BRD7: variants seen among roughly 807,000 people sequenced by gnomAD.
The protein encoded by BRD7 is bromodomain-containing protein 7.
A neutral mutation model predicts 82.1 loss-of-function variants in BRD7; 15 were observed. The observed-to-expected ratio is 0.18, with a 90% CI of 0.12 to 0.28. The LOEUF (loss-of-function observed/expected upper bound fraction) is 0.28, where lower values mean the gene tolerates loss of function less well. Among genes scored for constraint, BRD7 ranks in the 10% least tolerant of loss-of-function variants. BRD7 has a pLI of 1.00. For synonymous variants in BRD7, 232 were observed against 266.9 expected, an observed-to-expected ratio of 0.87 and a Z score of 1.27; for missense variants, 638 against 779.9, an observed-to-expected ratio of 0.82 and a Z score of 2.17.
intron 5 of BRD7, among the ~76,000 whole-genome samples, chr16:50,341,177 T>TACTCAC (rs770402520): frequency 1.5e-5 from 2 of 137,304 alleles, no homozygotes; most frequent in East Asian, 4.3e-4. Context: ...AGACCTTAAG[T>TACTCAC]ACACACACAC....
At chr16:50,320,192 G>T (rs184420261) in intron 15 of BRD7, 56 bp downstream of exon 15, 25 of 1,569,354 alleles carry the variant, frequency 1.6e-5, no homozygotes, top group Non-Finnish European at 1.0e-5. Flanking sequence ...CTGTACTCAA[G>T]AAGTTTTTTC....
chr16:50,363,119 G>T (rs189434998), intron 2 of BRD7, among the ~76,000 whole-genome samples: 29 of 152,220 alleles, frequency 1.9e-4, no homozygotes, highest in Admixed American at 1.8e-3. Flanking sequence ...TGTGTATATG[G>T]TTATTTCCTC....
intron 2 of BRD7, among the ~76,000 whole-genome samples, chr16:50,363,436 G>A (rs913308652): frequency 6.6e-6 from 1 of 152,194 alleles, no homozygotes; most frequent in African/African-American, 2.4e-5. Context: ...CACTTTCATA[G>A]GGGTGGTGTC....
chr16:50,366,193 A>T (rs964571186), intron 2 of BRD7, among the ~76,000 whole-genome samples: 2 of 152,336 alleles, frequency 1.3e-5, no homozygotes. Flanking sequence ...ACATGTTAGA[A>T]CTTATAAAAT....
Position 50,318,982 on chromosome 16 carries a change from G to T in BRD7, c.*229C>A. 7.2e-5 allele frequency: 31 copies of T among 432,324 alleles called. No homozygotes were observed. Among genetic ancestry groups the T allele is most frequent in the Admixed American group, 1.7e-4 (4 of 23,524 alleles). 26.8% of individuals were successfully genotyped at this position (432,324 alleles called of 1,614,324 possible). A position where few individuals can be genotyped will look rare whatever the true frequency, so the allele number is the denominator to read the frequency against. ...AAGAAGCATTGGAAGGCACTATTTTGAAAGAATGCTGCACAGGTATGGCAA... is the reference window on the plus strand; with the variant it reads ...AAGAAGCATTGGAAGGCACTATTTTTAAAGAATGCTGCACAGGTATGGCAA... On this transcript the variant is annotated 3_prime_UTR_variant, in exon 17 of 17. Transcript: ENST00000394688.
chr16:50,368,368 G>A (rs567263756), intron 1 of BRD7, 70 bp from the exon 2 acceptor site: 23 of 1,496,152 alleles, frequency 1.5e-5, no homozygotes, highest in East Asian at 9.2e-5. Flanking sequence ...GAGTGCTAAG[G>A]ATGCAGAGCG....
At chr16:50,357,146 CT>C (rs759844393) in intron 2 of BRD7, among the ~76,000 whole-genome samples, 160 of 152,298 alleles carry the variant, frequency 1.1e-3, no homozygotes, top group Non-Finnish European at 1.8e-3. Flanking sequence ...ACACAGATGG[CT>C]GGGCCTTGTC....
At chr16:50,367,434 G>A (rs987063183) in intron 2 of BRD7, among the ~76,000 whole-genome samples, 6 of 152,130 alleles carry the variant, frequency 3.9e-5, no homozygotes, top group Admixed American at 3.9e-4. Context: ...ATGTTGCCCA[G>A]GCTGGTCTCG....
At chr16:50,366,614 CATG>C (rs982205498) in intron 2 of BRD7, among the ~76,000 whole-genome samples, 3 of 152,298 alleles carry the variant, frequency 2.0e-5, no homozygotes, top group Non-Finnish European at 2.9e-5. Flanking sequence ...TCTTCCATAA[CATG>C]ATGTCAGTAG....
At chr16:50,339,275 C>T (rs918246431) in intron 6 of BRD7, among the ~76,000 whole-genome samples, 7 of 152,164 alleles carry the variant, frequency 4.6e-5, no homozygotes, top group East Asian at 1.9e-4. Flanking sequence ...AATGAAGGGA[C>T]GCGTTCTGAG....
intron 6 of BRD7, among the ~76,000 whole-genome samples, chr16:50,338,181 A>G (rs2037895754): frequency 6.6e-6 from 1 of 152,194 alleles, no homozygotes; most frequent in African/African-American, 2.4e-5. Context: ...TAAACCTGGA[A>G]TATGGCATGG....
chr16:50,368,307 A>G lies in BRD7; in HGVS notation c.50-9T>C, dbSNP rs761847427. The G allele has an allele frequency of 4.7e-5, 75 of 1,597,552 alleles. No homozygotes were observed. The highest frequency in any genetic ancestry group is 6.4e-5 in the Non-Finnish European group (75 of 1,176,574). On this transcript the variant is annotated splice_polypyrimidine_tract_variant and intron_variant, in intron 1 of 16. Transcript: ENST00000394688. The stretch of plus-strand genomic sequence containing the variant: ...GGGCTTCTCTACATACTCTTAAAAA[A>G]AGAAAAGAAAAGAAAGGAAAGCGCG...
At position 50,318,772 on chromosome 16, in the gene BRD7, CAG is replaced by C. The variant is rs2151125162; in HGVS notation, c.*437_*438del. 1 of 154,966 alleles carries C rather than the reference CAG, an allele frequency of 6.5e-6. No homozygotes were observed. The highest frequency in any genetic ancestry group is 2.0e-4 in the South Asian group (1 of 4,942). The allele number at this position is 154,966 out of a possible 1,614,324, so 9.6% of individuals were successfully genotyped here. On this transcript the variant is annotated 3_prime_UTR_variant, in exon 17 of 17. Transcript: ENST00000394688. ...TATAAAACTCCCAGTGTGCTTTTGT[CAG>C]GGGTGGGTGGGAGGTGCCTAATTAC...
chr16:50,367,964 C>T, intron 2 of BRD7, 126 bp downstream of exon 2: 1 of 951,514 alleles, frequency 1.1e-6, no homozygotes, highest in Non-Finnish European at 1.6e-6. Context: ...TTCTGTCCTG[C>T]TCCTCCTCAA....
At chr16:50,324,242 T>A (rs1376089799) in intron 11 of BRD7, among the ~76,000 whole-genome samples, 2 of 151,852 alleles carry the variant, frequency 1.3e-5, no homozygotes, top group Admixed American at 1.3e-4. Context: ...CTCTCTCACA[T>A]CCCACTTCAA....
chr16:50,368,784 G>A lies in BRD7; in HGVS notation c.-10C>T, dbSNP rs541042815. The A allele has an allele frequency of 3.9e-6, 6 of 1,529,322 alleles. No homozygotes were observed. Among genetic ancestry groups the A allele is most frequent in the East Asian group, 2.8e-5 (1 of 35,498 alleles). 94.7% of individuals were successfully genotyped at this position (1,529,322 alleles called of 1,614,324 possible). A position where few individuals can be genotyped will look rare whatever the true frequency, so the allele number is the denominator to read the frequency against. ...TGTGCTTCTTGCCCATGTCCGACCG[G>A]GCCCCGGTGCCCGCCCCCCGCGCCA... On this transcript the variant is annotated 5_prime_UTR_variant, in exon 1 of 17. Transcript: ENST00000394688.
intron 2 of BRD7, 76 bp downstream of exon 2, chr16:50,368,014 A>T: frequency 6.8e-7 from 1 of 1,466,850 alleles, no homozygotes; most frequent in Non-Finnish European, 9.5e-7. Context: ...CCCCAGATAC[A>T]AAGAAAATAA....
chr16:50,352,183 T>C (rs2038553076), intron 4 of BRD7, among the ~76,000 whole-genome samples: 1 of 152,236 alleles, frequency 6.6e-6, no homozygotes, highest in African/African-American at 2.4e-5. Flanking sequence ...ATATTTTCTG[T>C]CTTCACATCA....
intron 2 of BRD7, among the ~76,000 whole-genome samples, chr16:50,356,737 TATACAC>T (rs1011446529): frequency 2.0e-5 from 3 of 147,012 alleles, no homozygotes; most frequent in Non-Finnish European, 4.5e-5. Flanking sequence ...TATATATATA[TATACAC>T]ACACACACAC....
Sources: allele counts gnomAD v4.1 joint callset (sites outside exome capture counted in the v4.1 genomes callset), GRCh38; gene constraint gnomAD v4.1.1; transcripts MANE v1.5; gene names NCBI Gene and HGNC (gene_info 2026-07-23, HGNC 2026-07-21).